Variants in CFAP299 observed in about 807,000 individuals in gnomAD.
CFAP299 encodes cilia and flagella associated protein 299.
CFAP299 carries 21 observed loss-of-function variants against 27.0 expected under a neutral mutation model. The ratio of observed to expected loss-of-function variants is 0.78; its 90% CI spans 0.55 to 1.12. The LOEUF is 1.12. CFAP299 is among the 50% of genes most tolerant of loss of function. The probability of loss-of-function intolerance (pLI) is 0.00; values close to 1 mark genes in which losing one functional copy is unlikely to be tolerated. For missense variants in CFAP299, 310 were observed against 276.6 expected (o/e 1.12, Z -0.86); for synonymous variants, 104 against 98.1 (o/e 1.06, Z -0.36).
At chr4:80,855,069 T>C (rs1731767538) in intron 3 of CFAP299, among the ~76,000 whole-genome samples, 1 of 152,086 alleles carries the variant, frequency 6.6e-6, no homozygotes, top group African/African-American at 2.4e-5. Flanking sequence ...ATTGAATATG[T>C]TAGCTAGAAA....
chr4:80,954,683 G>C (rs926630203), intron 5 of CFAP299, among the ~76,000 whole-genome samples: 7 of 151,964 alleles, frequency 4.6e-5, no homozygotes, highest in African/African-American at 1.7e-4. Flanking sequence ...TAATATGCGG[G>C]GGGGACAACT....
At chr4:80,499,897 T>A (rs1444136465) in intron 2 of CFAP299, among the ~76,000 whole-genome samples, 1 of 152,146 alleles carries the variant, frequency 6.6e-6, no homozygotes, top group African/African-American at 2.4e-5. Flanking sequence ...CATATTTTAT[T>A]TATATGAATT....
intron 2 of CFAP299, among the ~76,000 whole-genome samples, chr4:80,577,607 T>C (rs1424021871): frequency 6.6e-6 from 1 of 152,038 alleles, no homozygotes; most frequent in Non-Finnish European, 1.5e-5. Context: ...TTCAGCATGT[T>C]GGCCAGGATG....
At chr4:80,867,617 C>T (rs1732821072) in intron 3 of CFAP299, among the ~76,000 whole-genome samples, 1 of 152,192 alleles carries the variant, frequency 6.6e-6, no homozygotes, top group Admixed American at 6.5e-5. Context: ...TTTTCCCTTT[C>T]CTTGCAGATG....
chr4:80,518,579 C>G (rs528267546), intron 2 of CFAP299, among the ~76,000 whole-genome samples: 1 of 151,802 alleles, frequency 6.6e-6, no homozygotes, highest in African/African-American at 2.4e-5. Context: ...TTTAGCACAT[C>G]GTTTTAAGAG....
At position 80,576,615 on chromosome 4, in the gene CFAP299, G is replaced by T. The variant is rs75124573; in HGVS notation, c.243-6478G>T. Among the ~76,000 whole-genome samples, 1,035 of 152,216 alleles carry T rather than the reference G, an allele frequency of 6.8e-3. 13 individuals carry two copies. The highest frequency in any genetic ancestry group is 0.024 in the African/African-American group (994 of 41,550). On this transcript the variant is annotated intron_variant, in intron 2 of 5. Coordinates refer to ENST00000358105, the MANE Select transcript of CFAP299 (RefSeq NM_152770.3). ...ATCCGTGGGAAATAGAACTGTTTCT[G>T]TAAGCTATGTTTTCATAGATGTGTT...
At chr4:80,763,203 C>T (rs1471904501) in intron 3 of CFAP299, among the ~76,000 whole-genome samples, 3 of 152,136 alleles carry the variant, frequency 2.0e-5, no homozygotes, top group African/African-American at 7.2e-5. Flanking sequence ...ATTTAGAAAA[C>T]CCGATTGTCT....
At chr4:80,748,622 T>C (rs1342499316) in intron 3 of CFAP299, among the ~76,000 whole-genome samples, 7 of 152,220 alleles carry the variant, frequency 4.6e-5, no homozygotes, top group Admixed American at 4.6e-4. Flanking sequence ...CTTCTCCATT[T>C]ACACTGGAAT....
chr4:80,936,790 A>G (rs1736911307), intron 4 of CFAP299, among the ~76,000 whole-genome samples: 1 of 152,176 alleles, frequency 6.6e-6, no homozygotes, highest in South Asian at 2.1e-4. Context: ...ACCTAAAATA[A>G]AAATAAAAAA....
chr4:80,451,760 AC>A (rs1438806667), intron 2 of CFAP299, among the ~76,000 whole-genome samples: 1 of 152,168 alleles, frequency 6.6e-6, no homozygotes, highest in African/African-American at 2.4e-5. Flanking sequence ...CCTTACCTTC[AC>A]ACATTACTCT....
intron 2 of CFAP299, among the ~76,000 whole-genome samples, chr4:80,447,254 G>T: frequency 7.0e-6 from 1 of 143,562 alleles, no homozygotes; most frequent in African/African-American, 2.6e-5. Context: ...TCCTGCCTCA[G>T]CCTCCCAAGT....
At chr4:80,800,771 A>G (rs570538262) in intron 3 of CFAP299, among the ~76,000 whole-genome samples, 2 of 132,866 alleles carry the variant, frequency 1.5e-5, no homozygotes, top group South Asian at 2.2e-4. Context: ...GTGTGTGTAT[A>G]TATATATATG....
chr4:80,692,669 T>A (rs1218532126), intron 3 of CFAP299, among the ~76,000 whole-genome samples: 1 of 152,038 alleles, frequency 6.6e-6, no homozygotes, highest in Non-Finnish European at 1.5e-5. Context: ...CCAAAAGCAA[T>A]GGCAACCAAA....
intron 2 of CFAP299, among the ~76,000 whole-genome samples, chr4:80,500,401 C>T (rs1731682168): frequency 6.6e-6 from 1 of 152,002 alleles, no homozygotes; most frequent in Non-Finnish European, 1.5e-5. Flanking sequence ...AAGTTGTTTC[C>T]CAATTTTTCA....
At chr4:80,395,406 C>T (rs1315639185) in intron 2 of CFAP299, among the ~76,000 whole-genome samples, 1 of 151,876 alleles carries the variant, frequency 6.6e-6, no homozygotes, top group Non-Finnish European at 1.5e-5. Flanking sequence ...TTTGTTCTTG[C>T]CTAATTGCTG....
At chr4:80,862,347 G>A (rs1237487365) in intron 3 of CFAP299, among the ~76,000 whole-genome samples, 1 of 152,010 alleles carries the variant, frequency 6.6e-6, no homozygotes, top group Non-Finnish European at 1.5e-5. Context: ...TCCAGTCTGG[G>A]CAGCAGAGCC....
chr4:80,800,402 T>C (rs1728402957), intron 3 of CFAP299, among the ~76,000 whole-genome samples: 1 of 69,740 alleles, frequency 1.4e-5, no homozygotes, highest in Non-Finnish European at 2.4e-5. Flanking sequence ...TAATATAATA[T>C]ATATTGATAT....
chr4:80,515,002 A>G (rs1378424186), intron 2 of CFAP299, among the ~76,000 whole-genome samples: 3 of 152,172 alleles, frequency 2.0e-5, no homozygotes, highest in African/African-American at 4.8e-5. Flanking sequence ...TCTAATAGAA[A>G]GAAACAAATT....
intron 3 of CFAP299, among the ~76,000 whole-genome samples, chr4:80,649,412 CTATT>C (rs751989447): frequency 2.0e-5 from 3 of 151,968 alleles, no homozygotes; most frequent in Non-Finnish European, 4.4e-5. Flanking sequence ...CATTTTGGGG[CTATT>C]TAGAGGGCTT....
Sources: gnomAD v4.1 joint callset for allele counts (sites outside exome capture counted in the v4.1 genomes callset) on GRCh38, gnomAD v4.1.1 for gene constraint, MANE v1.5 for transcripts, NCBI Gene and HGNC (gene_info 2026-07-23, HGNC 2026-07-21) for gene names.